Variants in ASPH observed in about 807,000 individuals in gnomAD.
ASPH encodes the protein aspartyl/asparaginyl beta-hydroxylase.
ASPH carries 100 observed loss-of-function variants against 118.4 expected under a neutral mutation model. The observed-to-expected ratio is 0.84, with a 90% confidence interval of 0.72 to 1.00. The LOEUF (loss-of-function observed/expected upper bound fraction) is 1.00. ASPH is among the 50% of genes least tolerant of loss of function. The pLI, the probability that ASPH is intolerant of heterozygous loss-of-function variation, is 0.00. For missense variants in ASPH, 920 were observed against 919.5 expected (o/e 1.00, Z -0.01); for synonymous variants, 315 against 325.6 (o/e 0.97, Z 0.35).
Position 61,571,066 on chromosome 8 carries a change from A to T in ASPH, c.1150-3748T>A, listed in dbSNP as rs1224871036. On this transcript the variant is annotated intron_variant, in intron 16 of 24. Coordinates refer to ENST00000379454, the MANE Select transcript of ASPH (RefSeq NM_004318.4). ...TTCCAAAGTAATTGTTTAATCTGCT[A>T]ACAAAGAATGAAAGTCATAATTTCT... 2.0e-5 allele frequency among the ~76,000 whole-genome samples: 3 copies of T among 152,236 alleles called. No homozygotes were observed. The East Asian group carries it at 5.8e-4, about 29-fold the overall frequency.
At chr8:61,629,297 G>T (rs1285203603) in intron 13 of ASPH, among the ~76,000 whole-genome samples, 2 of 152,204 alleles carry the variant, frequency 1.3e-5, no homozygotes, top group African/African-American at 4.8e-5. Context: ...AATAGACTCA[G>T]TCATATGACC....
At chr8:61,640,925 T>C (rs1804819569) in intron 10 of ASPH, among the ~76,000 whole-genome samples, 2 of 152,240 alleles carry the variant, frequency 1.3e-5, no homozygotes, top group Admixed American at 6.5e-5. Context: ...ATACAGAATA[T>C]ATTCTATTCT....
intron 14 of ASPH, among the ~76,000 whole-genome samples, chr8:61,613,645 G>A (rs1293333326): frequency 1.3e-5 from 2 of 152,198 alleles, no homozygotes; most frequent in Admixed American, 1.3e-4. Context: ...AGTGCAGTCA[G>A]AGAAGGCTTC....
At chr8:61,619,291 T>A (rs1850080291) in intron 13 of ASPH, among the ~76,000 whole-genome samples, 1 of 151,408 alleles carries the variant, frequency 6.6e-6, no homozygotes, top group African/African-American at 2.4e-5. Context: ...GATAAGAGAG[T>A]TGGAGTGGGT....
chr8:61,614,756 C>T (rs955894959), intron 14 of ASPH, among the ~76,000 whole-genome samples: 12 of 152,146 alleles, frequency 7.9e-5, no homozygotes, highest in African/African-American at 2.4e-4. Context: ...TTCCAAAGTG[C>T]TGAGATTATA....
In ASPH at chr8:61,644,464, G is replaced by A. The variant is rs116069770; in HGVS notation, c.652+136C>T. 1.7e-3 allele frequency: 1,023 copies of A among 611,510 alleles called. 10 individuals are homozygous for A. The African/African-American group carries it at 0.018, about 11-fold the overall frequency. 37.9% of individuals were successfully genotyped at this position (611,510 alleles called of 1,614,324 possible). The stretch of plus-strand genomic sequence containing the variant: ...CAAAGAAATACCATAAATATAAGAC[G>A]TAATAAAATTATTAATTGCATATCT... On this transcript the variant is annotated intron_variant, in intron 7 of 24. Coordinates refer to ENST00000379454, the MANE Select transcript of ASPH (RefSeq NM_004318.4).
chr8:61,621,975 A>T (rs569278418), intron 13 of ASPH, among the ~76,000 whole-genome samples: 13 of 152,338 alleles, frequency 8.5e-5, no homozygotes, highest in African/African-American at 3.1e-4. Flanking sequence ...CACCTTACTA[A>T]AAAGAATGGG....
At chr8:61,573,700 T>C (rs866997515) in intron 16 of ASPH, among the ~76,000 whole-genome samples, 19 of 151,662 alleles carry the variant, frequency 1.3e-4, no homozygotes, top group Admixed American at 1.2e-3. Flanking sequence ...TTATACCTTA[T>C]ACAAAAATTA....
At chr8:61,605,360 T>C (rs1845249717) in intron 14 of ASPH, among the ~76,000 whole-genome samples, 2 of 152,184 alleles carry the variant, frequency 1.3e-5, no homozygotes, top group South Asian at 2.1e-4. Flanking sequence ...CATATCTGTA[T>C]AGCATGACAC....
intron 3 of ASPH, among the ~76,000 whole-genome samples, chr8:61,667,721 T>C (rs147669884): frequency 6.6e-6 from 1 of 152,330 alleles, no homozygotes; most frequent in East Asian, 1.9e-4. Context: ...CAATGTAATG[T>C]AGGGTTATAC....
intron 10 of ASPH, among the ~76,000 whole-genome samples, chr8:61,640,690 C>T (rs1804705824): frequency 6.6e-6 from 1 of 152,218 alleles, no homozygotes; most frequent in African/African-American, 2.4e-5. Flanking sequence ...TCCATGAGAA[C>T]AGGAACCATG....
intron 1 of ASPH, among the ~76,000 whole-genome samples, chr8:61,695,246 T>C (rs1833655277): frequency 6.6e-6 from 1 of 152,232 alleles, no homozygotes; most frequent in Admixed American, 6.5e-5. Context: ...GCAGACAAAA[T>C]ATTTTTTAAA....
chr8:61,680,847 T>G, intron 3 of ASPH, 121 bp downstream of exon 3: 1 of 697,762 alleles, frequency 1.4e-6, no homozygotes, highest in Non-Finnish European at 2.2e-6. Context: ...ATGAAATATA[T>G]GATTTAAGGG....
intron 22 of ASPH, among the ~76,000 whole-genome samples, chr8:61,523,357 C>A (rs893901002): frequency 1.8e-4 from 26 of 145,052 alleles, no homozygotes; most frequent in African/African-American, 5.7e-4. Flanking sequence ...GCTCTGTTGC[C>A]CAGGCTGGAG....
chr8:61,596,171 T>C (rs1277108961), intron 14 of ASPH, among the ~76,000 whole-genome samples: 2 of 151,954 alleles, frequency 1.3e-5, no homozygotes, highest in Non-Finnish European at 2.9e-5. Context: ...TACACACATG[T>C]TCCAGGGGCC....
chr8:61,573,657 C>A lies in ASPH; in HGVS notation c.1149+3115G>T, dbSNP rs367786799. On this transcript the variant is annotated intron_variant, in intron 16 of 24. Coordinates refer to ENST00000379454, the MANE Select transcript of ASPH (RefSeq NM_004318.4). ...AAATGGTATTGGGAAAACTGGCTAG[C>A]CATATGCAGAAAACTGAAACTGGAC... Among the ~76,000 whole-genome samples, 6 of 152,068 alleles carry A rather than the reference C, an allele frequency of 3.9e-5. No individual in the cohort carries two copies. In the East Asian group the frequency reaches 7.7e-4, roughly 20 times the overall value.
chr8:61,676,199 G>C (rs1825255968), intron 3 of ASPH: 2 of 1,598,966 alleles, frequency 1.3e-6, no homozygotes, highest in Non-Finnish European at 1.7e-6. Context: ...TTCAAAAGGA[G>C]TCATTATATC....
At chr8:61,572,087 G>A (rs568868682) in intron 16 of ASPH, among the ~76,000 whole-genome samples, 1 of 152,276 alleles carries the variant, frequency 6.6e-6, no homozygotes, top group African/African-American at 2.4e-5. Flanking sequence ...ACTTTTTAAT[G>A]GAGATATAAG....
intron 14 of ASPH, among the ~76,000 whole-genome samples, chr8:61,596,275 C>A (rs1381235378): frequency 3.9e-5 from 6 of 152,196 alleles, no homozygotes; most frequent in Non-Finnish European, 8.8e-5. Context: ...ACCTCTACTG[C>A]AAGCAACCAC....
Sources: allele counts gnomAD v4.1 joint callset (sites outside exome capture counted in the v4.1 genomes callset), GRCh38; gene constraint gnomAD v4.1.1; transcripts MANE v1.5; gene names NCBI Gene and HGNC (gene_info 2026-07-23, HGNC 2026-07-21).